Variants in B2M observed in about 807,000 individuals in gnomAD.
B2M encodes the protein beta chain of MHC class I molecules.
B2M carries 3 observed loss-of-function variants against 14.5 expected under a neutral mutation model. The ratio of observed to expected loss-of-function variants is 0.21; its 90% CI spans 0.09 to 0.53. The LOEUF is 0.53. Among genes scored for constraint, B2M ranks in the 20% least tolerant of loss-of-function variants. The pLI, the probability that B2M is intolerant of heterozygous loss-of-function variation, is 0.95. For missense variants in B2M, 107 were observed against 140.8 expected (o/e 0.76, Z 1.21); for synonymous variants, 45 against 52.7 (o/e 0.85, Z 0.64).
intron 3 of B2M, chr15:44,716,573 A>C (rs755873342): frequency 1.0e-5 from 6 of 597,350 alleles, no homozygotes; most frequent in Non-Finnish European, 1.5e-5. Context: ...GACCCTCTAC[A>C]GAGAGGGCAA....
chr15:44,715,746 G>C, intron 2 of B2M, 45 bp downstream of exon 2: 1 of 1,609,334 alleles, frequency 6.2e-7, no homozygotes, highest in Non-Finnish European at 8.5e-7. Context: ...TTGTGTATGA[G>C]TAGTCATATC....
chr15:44,711,567 A>C lies in B2M; in HGVS notation c.21A>C (p.Leu7Phe), dbSNP rs766716677. The C allele has an allele frequency of 6.2e-7, 1 of 1,613,672 alleles. No individual in the cohort carries two copies. The highest frequency in any genetic ancestry group is 8.5e-7 in the Non-Finnish European group (1 of 1,179,982). ...CCGAGATGTCTCGCTCCGTGGCCTT[A>C]GCTGTGCTCGCGCTACTCTCTCTTT... MSRSVA[L>F]AVLALLSLSG... The change falls in exon 1 of 4, where the codon TTA (leucine) becomes TTC (phenylalanine). Residue 7 changes from leucine to phenylalanine, a missense_variant. Leu to Phe is a conservative substitution (Grantham distance 22). Coordinates refer to ENST00000648006, the MANE Select transcript of B2M (RefSeq NM_004048.4).
intron 3 of B2M, chr15:44,716,607 A>G: frequency 1.8e-6 from 1 of 551,104 alleles, no homozygotes; most frequent in Non-Finnish European, 3.2e-6. Flanking sequence ...ATGGTATTGC[A>G]GGATAAAGGC....
intron 3 of B2M, 147 bp from the exon 4 acceptor site, chr15:44,717,460 A>G (rs890112592): frequency 2.6e-5 from 4 of 152,214 alleles, no homozygotes; most frequent in Admixed American, 2.6e-4. Flanking sequence ...CTAACAGGAT[A>G]TACTCTTTAT....
Position 44,715,642 on chromosome 15 carries a change from A to C in B2M, c.287A>C (p.Asp96Ala), listed in dbSNP as rs2086932732. Residue 96 changes from aspartate to alanine, a missense_variant, in exon 2 of 4, where the codon GAT (aspartate) becomes GCT (alanine). Transcript: ENST00000648006. Reference sequence around the variant, plus strand: ...ACTGAATTCACCCCCACTGAAAAAGATGAGTATGCCTGCCGTGTGAACCAT... The same window carrying C: ...ACTGAATTCACCCCCACTGAAAAAGCTGAGTATGCCTGCCGTGTGAACCAT... ...YYTEFTPTEK[D>A]EYACRVNHVT... 6.2e-7 allele frequency: 1 copy of C among 1,614,098 alleles called. No homozygotes were observed. Among genetic ancestry groups the C allele is most frequent in the African/African-American group, 1.3e-5 (1 of 74,928 alleles).
intron 1 of B2M, chr15:44,715,067 G>T (rs147930069): frequency 1.3e-5 from 5 of 382,270 alleles, no homozygotes; most frequent in Admixed American, 4.1e-5. Context: ...ATGTGTTAAG[G>T]AATGCTATGA....
intron 1 of B2M, 80 bp downstream of exon 1, chr15:44,711,693 T>C: frequency 6.7e-7 from 1 of 1,490,274 alleles, no homozygotes; most frequent in Non-Finnish European, 9.3e-7. Context: ...GCTCTCTCGC[T>C]CCGTGACTTC....
At chr15:44,715,340 G>A in intron 1 of B2M, 83 bp from the exon 2 acceptor site, 2 of 1,471,536 alleles carry the variant, frequency 1.4e-6, no homozygotes, top group Non-Finnish European at 1.9e-6. Context: ...TAAACACTTG[G>A]TGCCTGATAT....
At chr15:44,713,066 C>T (rs1669855) in intron 1 of B2M, 151,401 of 151,824 alleles carry the variant, frequency 1, 75,508 homozygotes, top group Middle Eastern at 1. Context: ...GTCAGGGGAG[C>T]TGTAAAACCA....
At position 44,715,515 on chromosome 15, in the gene B2M, G is replaced by A. The variant is rs148494241; in HGVS notation, c.160G>A (p.Asp54Asn). Reference sequence around the variant, plus strand: ...CTATGTGTCTGGGTTTCATCCATCCGACATTGAAGTTGACTTACTGAAGAA... The same window carrying A: ...CTATGTGTCTGGGTTTCATCCATCCAACATTGAAGTTGACTTACTGAAGAA... ...NCYVSGFHPS[D>N]IEVDLLKNGE... is the part of the protein sequence containing the mutation. The change falls in exon 2 of 4, where the codon GAC becomes AAC. Residue 54 changes from aspartate (D) to asparagine (N), a missense_variant. Physicochemically the swap from Asp to Asn is conservative, Grantham distance 23 (BLOSUM62 1). Coordinates refer to ENST00000648006, the MANE Select transcript of B2M (RefSeq NM_004048.4). 5 of 1,614,026 alleles carry A rather than the reference G, an allele frequency of 3.1e-6. No homozygotes were observed. The highest frequency in any genetic ancestry group is 2.7e-5 in the African/African-American group (2 of 74,906).
intron 1 of B2M, chr15:44,714,171 T>G (rs560165292): frequency 6.6e-6 from 1 of 152,324 alleles, no homozygotes; most frequent in African/African-American, 2.4e-5. Flanking sequence ...CTGGCTAGTT[T>G]ACAGCAATCA....
At chr15:44,715,297 G>A in intron 1 of B2M, 126 bp from the exon 2 acceptor site, 3 of 1,159,102 alleles carry the variant, frequency 2.6e-6, no homozygotes, top group South Asian at 1.2e-5. Context: ...GGCCAGAGTG[G>A]AAATGGAATT....
At chr15:44,715,796 T>C in intron 2 of B2M, 95 bp downstream of exon 2, 3 of 1,413,202 alleles carry the variant, frequency 2.1e-6, no homozygotes, top group Non-Finnish European at 3.0e-6. Context: ...ATGGCCATAC[T>C]ACCCTGAATG....
intron 1 of B2M, 50 bp downstream of exon 1, chr15:44,711,663 C>T: frequency 1.3e-6 from 2 of 1,561,992 alleles, no homozygotes; most frequent in Non-Finnish European, 1.8e-6. Flanking sequence ...CCGCTCTGCA[C>T]CCTCTGTGGC....
In B2M at chr15:44,711,582, ACT is replaced by A; in HGVS notation, c.43_44del (p.Leu15PhefsTer41). The A allele has an allele frequency of 6.2e-7, 1 of 1,613,460 alleles. No individual in the cohort carries two copies. Among genetic ancestry groups the A allele is most frequent in the Non-Finnish European group, 8.5e-7 (1 of 1,179,884 alleles). ...CCGTGGCCTTAGCTGTGCTCGCGCT[ACT>A]CTCTCTTTCTGGCCTGGAGGCTATC... ...RSVALAVLAL[L>X]SLSGLEAIQR... is the part of the protein sequence containing the mutation. On this transcript the variant is annotated frameshift_variant, in exon 1 of 4. Transcript: ENST00000648006. LOFTEE classifies it high-confidence loss of function.
At chr15:44,711,759 C>T in intron 1 of B2M, 146 bp downstream of exon 1, 4 of 1,107,424 alleles carry the variant, frequency 3.6e-6, no homozygotes, top group Non-Finnish European at 5.3e-6. Flanking sequence ...GGCTGGATCT[C>T]GGGGAAGCGG....
At position 44,716,443 on chromosome 15, in the gene B2M, G is replaced by A. The variant is rs547442887; in HGVS notation, c.*14+87G>A. The A allele has an allele frequency of 6.0e-6, 8 of 1,326,642 alleles. No homozygotes were observed. In the South Asian group the frequency reaches 7.1e-5, roughly 12 times the overall value. The allele number at this position is 1,326,642 out of a possible 1,614,324, so 82.2% of individuals were successfully genotyped here. A position where few individuals can be genotyped will look rare whatever the true frequency, so the allele number is the denominator to read the frequency against. On this transcript the variant is annotated intron_variant, in intron 3 of 3. Coordinates refer to ENST00000648006, the MANE Select transcript of B2M (RefSeq NM_004048.4). ...GCTCTAACATGATAACCCTCACTAT[G>A]TGGAGAACATTGACAGAGTAACATT...
intron 3 of B2M, 82 bp downstream of exon 3, chr15:44,716,438 A>C: frequency 5.2e-6 from 7 of 1,358,060 alleles, no homozygotes; most frequent in African/African-American, 1.4e-5. Context: ...GATAACCCTC[A>C]CTATGTGGAG....
At chr15:44,714,605 A>G (rs1376042939) in intron 1 of B2M, 1 of 152,272 alleles carries the variant, frequency 6.6e-6, no homozygotes, top group Non-Finnish European at 1.5e-5. Context: ...AAATACAAAA[A>G]TTAACCAGGC....
Sources: allele counts gnomAD v4.1 joint callset, GRCh38; gene constraint gnomAD v4.1.1; transcripts MANE v1.5; gene names NCBI Gene and HGNC (gene_info 2026-07-23, HGNC 2026-07-21).